The following SCYL2 variants were observed in gnomAD, a reference collection of about 807,000 sequenced individuals.
The protein encoded by SCYL2 is SCY1-like protein 2.
A neutral mutation model predicts 100.4 loss-of-function variants in SCYL2; 36 were observed. The ratio of observed to expected loss-of-function variants is 0.36; its 90% confidence interval spans 0.27 to 0.47. The LOEUF (loss-of-function observed/expected upper bound fraction) is 0.47, where lower values mean the gene tolerates loss of function less well. Among genes scored for constraint, SCYL2 ranks in the 20% least tolerant of loss-of-function variants. The pLI is 1.00. For synonymous variants in SCYL2, 330 were observed against 359.2 expected, an observed-to-expected ratio of 0.92 and a Z score of 0.92; for missense variants, 902 against 1,083.9, an observed-to-expected ratio of 0.83 and a Z score of 2.36.
intron 4 of SCYL2, among the ~76,000 whole-genome samples, chr12:100,299,399 G>A (rs1836265992): frequency 6.6e-6 from 1 of 152,080 alleles, no homozygotes; most frequent in Admixed American, 6.6e-5. Context: ...AAAGTATGTG[G>A]TTTTATAAGT....
chr12:100,339,435 A>G lies in SCYL2; in HGVS notation c.*263A>G. On this transcript the variant is annotated 3_prime_UTR_variant, in exon 18 of 18. Transcript: ENST00000360820. ...AGCCCTTCCCAATCTCAAAGAGAAA[A>G]AGGAAACTGAGTTATCTTGAATAAC... 1 of 417,412 alleles carries G rather than the reference A, an allele frequency of 2.4e-6. No homozygotes were observed. The highest frequency in any genetic ancestry group is 4.3e-6 in the Non-Finnish European group (1 of 233,826). 25.9% of individuals were successfully genotyped at this position (417,412 alleles called of 1,614,324 possible). A position where few individuals can be genotyped will look rare whatever the true frequency, so the allele number is the denominator to read the frequency against.
chr12:100,330,531 T>C (rs1952196225), intron 13 of SCYL2, among the ~76,000 whole-genome samples: 1 of 151,946 alleles, frequency 6.6e-6, no homozygotes, highest in Non-Finnish European at 1.5e-5. Flanking sequence ...TAGAGACGAG[T>C]CATTTTTGTT....
chr12:100,287,711 C>T (rs2096305929), intron 2 of SCYL2, among the ~76,000 whole-genome samples: 2 of 151,938 alleles, frequency 1.3e-5, no homozygotes, highest in Admixed American at 6.6e-5. Flanking sequence ...TTAAAAAACC[C>T]TCAATTTAAC....
In SCYL2 at chr12:100,311,037, T is replaced by C. The variant is rs188074538; in HGVS notation, c.481-7T>C. The C allele has an allele frequency of 2.6e-6, 4 of 1,537,064 alleles. No homozygotes were observed. In the East Asian group the frequency reaches 9.5e-5, roughly 36 times the overall value. ...TTTAGTGTAAAATGTGTTTTTTCCA[T>C]TTACAGGTTTCTGAAGGATTGTCAT... On this transcript the variant is annotated splice_polypyrimidine_tract_variant and splice_region_variant and intron_variant, in intron 4 of 17. Coordinates refer to ENST00000360820, the MANE Select transcript of SCYL2 (RefSeq NM_017988.6).
intron 3 of SCYL2, chr12:100,291,935 G>A (rs1592937976): frequency 9.4e-6 from 3 of 320,192 alleles, no homozygotes; most frequent in Non-Finnish European, 1.1e-5. Context: ...GAACATACAA[G>A]GGTATAGAAT....
intron 3 of SCYL2, among the ~76,000 whole-genome samples, chr12:100,292,321 C>T (rs2096311555): frequency 1.3e-5 from 2 of 152,182 alleles, no homozygotes; most frequent in Admixed American, 1.3e-4. Context: ...ATTCCCCTCT[C>T]TTAATTCAGA....
intron 13 of SCYL2, among the ~76,000 whole-genome samples, chr12:100,329,740 G>A (rs1952184990): frequency 6.6e-6 from 1 of 152,170 alleles, no homozygotes; most frequent in Admixed American, 6.5e-5. Context: ...CCCTGCTCAG[G>A]GTTTCTCACA....
In SCYL2 at chr12:100,341,333, A is replaced by C. The variant is rs1185755280; in HGVS notation, c.*2161A>C. ...CAAAGTACTAGATCACCTTAAAATTATTTCACGTACTGAAGACAATTAAGT... is the reference window on the plus strand; with the variant it reads ...CAAAGTACTAGATCACCTTAAAATTCTTTCACGTACTGAAGACAATTAAGT... On this transcript the variant is annotated 3_prime_UTR_variant, in exon 18 of 18. Coordinates refer to ENST00000360820, the MANE Select transcript of SCYL2 (RefSeq NM_017988.6). 1.3e-5 allele frequency: 2 copies of C among 152,160 alleles called. No homozygotes were observed. Among genetic ancestry groups the C allele is most frequent in the African/African-American group, 4.8e-5 (2 of 41,456 alleles). The allele number at this position is 152,160 out of a possible 1,614,324, so 9.4% of individuals were successfully genotyped here. A position where few individuals can be genotyped will look rare whatever the true frequency, so the allele number is the denominator to read the frequency against.
intron 10 of SCYL2, among the ~76,000 whole-genome samples, chr12:100,321,710 T>C (rs1287887141): frequency 6.6e-6 from 1 of 152,142 alleles, no homozygotes; most frequent in East Asian, 1.9e-4. Context: ...TTCTAGTCTT[T>C]TTTCCTAAAC....
chr12:100,311,055 A>T lies in SCYL2; in HGVS notation c.492A>T (p.Gly164=). The T allele has an allele frequency of 6.4e-7, 1 of 1,563,282 alleles. No individual in the cohort carries two copies. The highest frequency in any genetic ancestry group is 8.6e-7 in the Non-Finnish European group (1 of 1,158,820). ...TTTTCCATTTACAGGTTTCTGAAGGATTGTCATTCTTGCATAGCAGTGTGA... is the reference window on the plus strand; with the variant it reads ...TTTTCCATTTACAGGTTTCTGAAGGTTTGTCATTCTTGCATAGCAGTGTGA... ...TKYGLLQVSE[G]LSFLHSSVKM... The change falls in exon 5 of 18, where the codon GGA becomes GGT. Residue 164 remains glycine (G), a synonymous_variant. Coordinates refer to ENST00000360820, the MANE Select transcript of SCYL2 (RefSeq NM_017988.6).
At chr12:100,275,977 C>A (rs2096292102) in intron 1 of SCYL2, among the ~76,000 whole-genome samples, 1 of 152,018 alleles carries the variant, frequency 6.6e-6, no homozygotes, top group African/African-American at 2.4e-5. Context: ...TACATGGATT[C>A]ATTTTTAAAA....
At chr12:100,280,341 A>T (rs995023349) in intron 1 of SCYL2, among the ~76,000 whole-genome samples, 1 of 152,244 alleles carries the variant, frequency 6.6e-6, no homozygotes, top group African/African-American at 2.4e-5. Flanking sequence ...AAATGGTTTT[A>T]TATATGTTTA....
chr12:100,275,308 C>G (rs993467436), intron 1 of SCYL2, among the ~76,000 whole-genome samples: 2 of 151,762 alleles, frequency 1.3e-5, no homozygotes, highest in African/African-American at 4.8e-5. Flanking sequence ...TTCAAGTGAT[C>G]CTTCCACCTC....
At chr12:100,337,016 T>G (rs1053825788) in intron 16 of SCYL2, among the ~76,000 whole-genome samples, 5 of 152,176 alleles carry the variant, frequency 3.3e-5, no homozygotes, top group African/African-American at 1.2e-4. Flanking sequence ...TCATTCATTC[T>G]TTGCTTTTTG....
chr12:100,293,211 CCTA>C (rs2096312625), intron 3 of SCYL2, among the ~76,000 whole-genome samples: 1 of 152,142 alleles, frequency 6.6e-6, no homozygotes, highest in East Asian at 1.9e-4. Flanking sequence ...CCTGCCTCAG[CCTA>C]TCAAGTAGCT....
intron 2 of SCYL2, among the ~76,000 whole-genome samples, chr12:100,286,506 T>C (rs1334708801): frequency 2.0e-5 from 3 of 152,156 alleles, no homozygotes; most frequent in African/African-American, 7.2e-5. Flanking sequence ...TTGTGTTAGT[T>C]GGCTTTAAAA....
At chr12:100,290,318 TG>T (rs769956172) in intron 2 of SCYL2, among the ~76,000 whole-genome samples, 8 of 152,162 alleles carry the variant, frequency 5.3e-5, no homozygotes, top group Admixed American at 5.2e-4. Context: ...CACAAATGCT[TG>T]GGGGGACGTT....
Position 100,338,972 on chromosome 12 carries a change from T to A in SCYL2, c.2590T>A (p.Trp864Arg). ...GTTATCACAACAGAAACCAAATCAGTGGCTTAATCAGTTTGTACCTCCTCA... is the reference window on the plus strand; with the variant it reads ...GTTATCACAACAGAAACCAAATCAGAGGCTTAATCAGTTTGTACCTCCTCA... ...NQLSQQKPNQ[W>R]LNQFVPPQGS... Residue 864 changes from tryptophan (W) to arginine (R), a missense_variant, in exon 18 of 18, where the codon TGG becomes AGG. Physicochemically the swap from Trp to Arg is moderately radical, Grantham distance 101 (BLOSUM62 -3). Transcript: ENST00000360820. 1.9e-6 allele frequency: 3 copies of A among 1,614,116 alleles called. No homozygotes were observed. The highest frequency in any genetic ancestry group is 2.5e-6 in the Non-Finnish European group (3 of 1,179,962).
chr12:100,312,767 G>C, intron 6 of SCYL2, 114 bp downstream of exon 6: 1 of 687,018 alleles, frequency 1.5e-6, no homozygotes, highest in South Asian at 1.8e-5. Context: ...CTCATTTTAA[G>C]TTTGCATAAG....
Sources: allele counts gnomAD v4.1 joint callset (sites outside exome capture counted in the v4.1 genomes callset), GRCh38; gene constraint gnomAD v4.1.1; transcripts MANE v1.5; gene names NCBI Gene and HGNC (gene_info 2026-07-23, HGNC 2026-07-21).